CSMD1: variants seen among roughly 807,000 people sequenced by gnomAD.
CSMD1 encodes the protein CUB and sushi domain-containing protein 1.
CSMD1 carries 213 observed loss-of-function variants against 417.5 expected under a neutral mutation model. That is an observed-to-expected ratio of 0.51 (90% CI 0.46 to 0.57). The LOEUF is 0.57. Among genes scored for constraint, CSMD1 ranks in the 20% least tolerant of loss-of-function variants. The pLI is 0.00. For synonymous variants in CSMD1, 2,862 were observed against 1,736.8 expected (o/e 1.65, Z -16.11); for missense variants, 6,923 against 4,529.7 (o/e 1.53, Z -15.17).
At chr8:4,223,177 G>A (rs888410602) in intron 3 of CSMD1, among the ~76,000 whole-genome samples, 5 of 151,998 alleles carry the variant, frequency 3.3e-5, no homozygotes, top group African/African-American at 9.7e-5. Context: ...GCCTCCGGGA[G>A]TTAATAAAAG....
intron 5 of CSMD1, among the ~76,000 whole-genome samples, chr8:3,905,170 C>G (rs535676029): frequency 3.3e-5 from 5 of 151,788 alleles, no homozygotes; most frequent in East Asian, 1.9e-4. Context: ...TAATAACAGG[C>G]AAACATAGAA....
At chr8:4,713,189 A>G (rs1215583586) in intron 1 of CSMD1, among the ~76,000 whole-genome samples, 1 of 152,240 alleles carries the variant, frequency 6.6e-6, no homozygotes, top group African/African-American at 2.4e-5. Context: ...TTAAATCATT[A>G]TCAACCATTA....
intron 5 of CSMD1, among the ~76,000 whole-genome samples, chr8:3,920,236 T>C (rs1159865653): frequency 6.6e-6 from 1 of 152,032 alleles, no homozygotes; most frequent in Non-Finnish European, 1.5e-5. Flanking sequence ...GGTCTCACCA[T>C]GTTGCCCGGG....
At chr8:4,379,134 A>G (rs1030972837) in intron 3 of CSMD1, among the ~76,000 whole-genome samples, 12 of 152,222 alleles carry the variant, frequency 7.9e-5, no homozygotes, top group South Asian at 6.2e-4. Context: ...AATAACAGAT[A>G]TATCAGCCCC....
chr8:4,944,967 G>A (rs1004616934), intron 1 of CSMD1, among the ~76,000 whole-genome samples: 8 of 152,164 alleles, frequency 5.3e-5, no homozygotes, highest in Non-Finnish European at 5.9e-5. Flanking sequence ...GTGTGTATCA[G>A]AGCTATTCAA....
At chr8:4,491,780 G>A (rs918099841) in intron 2 of CSMD1, among the ~76,000 whole-genome samples, 1 of 152,144 alleles carries the variant, frequency 6.6e-6, no homozygotes, top group African/African-American at 2.4e-5. Context: ...TGGGAACGCA[G>A]AATGGTAGAG....
chr8:3,547,885 T>C (rs1323649460), intron 10 of CSMD1, among the ~76,000 whole-genome samples: 1 of 152,152 alleles, frequency 6.6e-6, no homozygotes, highest in Non-Finnish European at 1.5e-5. Flanking sequence ...ATTTTAAGAA[T>C]AAGAAGTACT....
intron 2 of CSMD1, among the ~76,000 whole-genome samples, chr8:4,464,802 C>G (rs1361385814): frequency 6.6e-6 from 1 of 152,078 alleles, no homozygotes; most frequent in Non-Finnish European, 1.5e-5. Context: ...ATCAAGAAAA[C>G]TGATTCTCTT....
chr8:4,798,297 T>C (rs1431368957), intron 1 of CSMD1, among the ~76,000 whole-genome samples: 2 of 152,210 alleles, frequency 1.3e-5, no homozygotes, highest in African/African-American at 2.4e-5. Flanking sequence ...TTGCTGAGAA[T>C]GATGGTTTCT....
chr8:4,306,401 GAAC>G (rs201861779), intron 3 of CSMD1, among the ~76,000 whole-genome samples: 1 of 63,882 alleles, frequency 1.6e-5, no homozygotes, highest in East Asian at 7.2e-4. Flanking sequence ...AAAACCTACA[GAAC>G]AAAAAAATAC....
At chr8:4,198,434 C>T (rs1286318267) in intron 3 of CSMD1, among the ~76,000 whole-genome samples, 1 of 152,088 alleles carries the variant, frequency 6.6e-6, no homozygotes, top group Non-Finnish European at 1.5e-5. Context: ...ATAAGCCATA[C>T]CTGTGGTGGT....
chr8:3,939,204 A>G (rs146954648), intron 5 of CSMD1, among the ~76,000 whole-genome samples: 252 of 152,300 alleles, frequency 1.7e-3, no homozygotes, highest in African/African-American at 5.2e-3. Context: ...ACCCAACACA[A>G]AAGTAATTCA....
chr8:4,729,901 C>T (rs1378288091), intron 1 of CSMD1, among the ~76,000 whole-genome samples: 1 of 152,148 alleles, frequency 6.6e-6, no homozygotes, highest in Non-Finnish European at 1.5e-5. Flanking sequence ...TCTGAAACTT[C>T]AGCGGGAGTT....
intron 2 of CSMD1, among the ~76,000 whole-genome samples, chr8:4,560,383 G>T (rs1468806916): frequency 6.6e-6 from 1 of 152,182 alleles, no homozygotes; most frequent in Non-Finnish European, 1.5e-5. Flanking sequence ...AAAGATAAAT[G>T]TTCCTAGTCC....
At chr8:4,178,994 C>A (rs1018954034) in intron 3 of CSMD1, among the ~76,000 whole-genome samples, 2 of 151,962 alleles carry the variant, frequency 1.3e-5, no homozygotes, top group African/African-American at 4.8e-5. Context: ...TGAAAATGGC[C>A]ATACTGCCCA....
chr8:4,418,791 C>T (rs1338479865), intron 3 of CSMD1, among the ~76,000 whole-genome samples: 1 of 141,736 alleles, frequency 7.1e-6, no homozygotes, highest in South Asian at 2.3e-4. Context: ...TTAACTTATT[C>T]CTTGATAGTA....
intron 2 of CSMD1, among the ~76,000 whole-genome samples, chr8:4,473,886 C>G (rs1800662904): frequency 6.6e-6 from 1 of 151,978 alleles, no homozygotes; most frequent in South Asian, 2.1e-4. Flanking sequence ...AGAGAGGTAG[C>G]TTTTCAAATC....
At chr8:4,023,855 G>C (rs535608787) in intron 4 of CSMD1, among the ~76,000 whole-genome samples, 6 of 141,326 alleles carry the variant, frequency 4.2e-5, no homozygotes, top group African/African-American at 1.1e-4. Flanking sequence ...CTGACCTCGG[G>C]ATCTGCCCGC....
At chr8:4,931,526 G>A (rs914600643) in intron 1 of CSMD1, among the ~76,000 whole-genome samples, 2 of 152,048 alleles carry the variant, frequency 1.3e-5, no homozygotes, top group African/African-American at 4.8e-5. Flanking sequence ...ACCATCCAAC[G>A]CAAGGTGACT....
Sources: gnomAD v4.1 joint callset for allele counts (sites outside exome capture counted in the v4.1 genomes callset) on GRCh38, gnomAD v4.1.1 for gene constraint, MANE v1.5 for transcripts, NCBI Gene and HGNC (gene_info 2026-07-23, HGNC 2026-07-21) for gene names.